The following RBFOX3 variants were observed in gnomAD, a reference collection of about 807,000 sequenced individuals.
RBFOX3 encodes RNA binding fox-1 homolog 3, also known as RNA binding protein fox-1 homolog 3.
In RBFOX3, 17 loss-of-function variants were observed where a neutral mutation model predicts 48.7. That is an observed-to-expected ratio of 0.35 (90% confidence interval 0.24 to 0.52). The LOEUF (loss-of-function observed/expected upper bound fraction) is 0.52. Ranked by LOEUF, RBFOX3 falls within the 20% of genes least tolerant of loss-of-function variation. The pLI is 0.94. For missense variants in RBFOX3, 382 were observed against 497.5 expected (o/e 0.77, Z 2.21); for synonymous variants, 212 against 209.5 (o/e 1.01, Z -0.10).
intron 1 of RBFOX3, among the ~76,000 whole-genome samples, chr17:79,497,503 G>A (rs2081720958): frequency 6.6e-6 from 1 of 152,208 alleles, no homozygotes; most frequent in African/African-American, 2.4e-5. Context: ...CGTAGTACTA[G>A]GAGACCTGCC....
rs576021569 is a variant in RBFOX3, at chr17:79,313,964, C to A, written c.-174-6140G>T. On this transcript the variant is annotated intron_variant, in intron 2 of 14. Coordinates refer to ENST00000693108, the MANE Select transcript of RBFOX3 (RefSeq NM_001350451.2). ...CTCACTTGCATGTCCGGCTCTTGCCCGCAACTGCTGGGAGGGTCCTGCAAA... is the reference window on the plus strand; with the variant it reads ...CTCACTTGCATGTCCGGCTCTTGCCAGCAACTGCTGGGAGGGTCCTGCAAA... 9.9e-5 allele frequency among the ~76,000 whole-genome samples: 15 copies of A among 152,176 alleles called. 1 individual carries two copies. Among genetic ancestry groups the A allele is most frequent in the Non-Finnish European group, 2.9e-5 (2 of 68,040 alleles).
At chr17:79,467,833 G>A (rs1262831305) in intron 2 of RBFOX3, among the ~76,000 whole-genome samples, 1 of 151,966 alleles carries the variant, frequency 6.6e-6, no homozygotes, top group Non-Finnish European at 1.5e-5. Flanking sequence ...AAGGGACCTT[G>A]AGCAAGGCCT....
intron 4 of RBFOX3, among the ~76,000 whole-genome samples, chr17:79,144,733 C>G (rs1281002277): frequency 6.6e-6 from 1 of 152,228 alleles, no homozygotes; most frequent in Non-Finnish European, 1.5e-5. Context: ...TTTCTGTTTC[C>G]TAGTCCTAAA....
At chr17:79,533,093 A>G (rs2088091451) in intron 1 of RBFOX3, among the ~76,000 whole-genome samples, 2 of 152,382 alleles carry the variant, frequency 1.3e-5, no homozygotes, top group South Asian at 4.1e-4. Context: ...ATCCCTGTGA[A>G]AGAGGCGTTG....
At chr17:79,624,109 T>C in the RBFOX3 span, among the ~76,000 whole-genome samples, 23 of 152,206 alleles carry the variant, frequency 1.5e-4, no homozygotes, top group Non-Finnish European at 1.5e-5. Context: ...AACGGCAAGA[T>C]AATGAACTTC....
chr17:79,097,234 TCCCTCCTCCCCGCCGTCCTACC>T, intron 11 of RBFOX3, 36 bp downstream of exon 11: 4 of 1,424,504 alleles, frequency 2.8e-6, no homozygotes, highest in South Asian at 2.7e-5. Context: ...CCTCCCCATT[TCCCTCCTCCCCGCCGTCCTACC>T]CCCTCCTCCA....
intron 2 of RBFOX3, among the ~76,000 whole-genome samples, chr17:79,344,191 A>G (rs997725756): frequency 5.9e-5 from 9 of 152,220 alleles, no homozygotes; most frequent in Admixed American, 2.6e-4. Context: ...CCTGAGGCCA[A>G]CATCTTTTCC....
chr17:79,206,471 T>C (rs1050462584), intron 4 of RBFOX3, among the ~76,000 whole-genome samples: 1 of 152,160 alleles, frequency 6.6e-6, no homozygotes, highest in African/African-American at 2.4e-5. Flanking sequence ...CTCCTCAAGA[T>C]GGTTGAGGCT....
chr17:79,617,406 C>G, the RBFOX3 span, among the ~76,000 whole-genome samples: 2 of 151,466 alleles, frequency 1.3e-5, no homozygotes, highest in Admixed American at 1.3e-4. Context: ...ATCCCTACCT[C>G]CACGTCCACA....
intron 2 of RBFOX3, among the ~76,000 whole-genome samples, chr17:79,465,836 A>G (rs1195435529): frequency 6.6e-6 from 1 of 152,182 alleles, no homozygotes; most frequent in Non-Finnish European, 1.5e-5. Flanking sequence ...TGGGCAGTGC[A>G]GGCCGCCTGG....
rs574660009 is a variant in RBFOX3 at position 79,103,405 on chromosome 17, G to A, written c.415-151C>T. ...GAGTCAGGTGAGTTGAGGCAGAGAC[G>A]CAGGCAGCCCAGAGGTCTGTCCTAG... On this transcript the variant is annotated intron_variant, in intron 7 of 14. Coordinates refer to ENST00000693108, the MANE Select transcript of RBFOX3 (RefSeq NM_001350451.2). The surrounding 1 kb of genome is among the most constrained non-coding windows in gnomAD (Gnocchi z 6.1). 5.3e-5 allele frequency among the ~76,000 whole-genome samples: 8 copies of A among 152,210 alleles called. No individual in the cohort carries two copies. Among genetic ancestry groups the A allele is most frequent in the Admixed American group, 3.9e-4 (6 of 15,296 alleles).
chr17:79,593,154 A>G (rs2093471190), intron 1 of RBFOX3, among the ~76,000 whole-genome samples: 1 of 152,100 alleles, frequency 6.6e-6, no homozygotes, highest in Non-Finnish European at 1.5e-5. Context: ...ATGTGTGTCC[A>G]CAGCCCACTC....
Position 79,111,140 on chromosome 17 carries a change from A to G in RBFOX3, c.223-4352T>C, listed in dbSNP as rs1199254975. Among the ~76,000 whole-genome samples the G allele has an allele frequency of 1.3e-5, 2 of 152,242 alleles. No individual in the cohort carries two copies. The highest frequency in any genetic ancestry group is 2.9e-5 in the Non-Finnish European group (2 of 68,036). ...AGGCCCGACGGACAGCAGAAAGGAC[A>G]GAGGTTCATCCTGGGGCTGCAGGTC... On this transcript the variant is annotated intron_variant, in intron 5 of 14. Transcript: ENST00000693108. The surrounding 1 kb of genome is among the most constrained non-coding windows in gnomAD (Gnocchi z 4.2).
At chr17:79,618,835 G>A in the RBFOX3 span, among the ~76,000 whole-genome samples, 1 of 152,140 alleles carries the variant, frequency 6.6e-6, no homozygotes, top group African/African-American at 2.4e-5. Context: ...TCAGCAAGAG[G>A]CAAATGAAAA....
intron 3 of RBFOX3, among the ~76,000 whole-genome samples, chr17:79,293,601 C>T (rs1220993344): frequency 1.3e-5 from 2 of 151,938 alleles, no homozygotes; most frequent in South Asian, 2.1e-4. Context: ...TACAGACTTG[C>T]ACCACCATGC....
chr17:79,139,215 C>T (rs1032303063), intron 4 of RBFOX3, among the ~76,000 whole-genome samples: 5 of 152,152 alleles, frequency 3.3e-5, no homozygotes, highest in Non-Finnish European at 7.3e-5. Flanking sequence ...TCACCTAAGG[C>T]ACCCTCCCCA....
At chr17:79,577,326 G>A (rs1456689998) in intron 1 of RBFOX3, among the ~76,000 whole-genome samples, 4 of 152,154 alleles carry the variant, frequency 2.6e-5, no homozygotes, top group Admixed American at 1.3e-4. Flanking sequence ...CACCATGAAC[G>A]GGGCAAATGG....
At chr17:79,560,272 G>A (rs998778241) in intron 1 of RBFOX3, among the ~76,000 whole-genome samples, 7 of 152,118 alleles carry the variant, frequency 4.6e-5, no homozygotes, top group South Asian at 2.1e-4. Flanking sequence ...AGGGAGACCC[G>A]AAAAGCCTAA....
intron 3 of RBFOX3, among the ~76,000 whole-genome samples, chr17:79,255,505 C>A (rs540766896): frequency 5.1e-4 from 77 of 152,266 alleles, no homozygotes; most frequent in African/African-American, 1.8e-3. Context: ...AGGAACAAGG[C>A]TGTGTCCACC....
Sources: allele counts gnomAD v4.1 joint callset (sites outside exome capture counted in the v4.1 genomes callset), GRCh38; gene constraint gnomAD v4.1.1; non-coding constraint Gnocchi (gnomAD v3.1); transcripts MANE v1.5; gene names NCBI Gene and HGNC (gene_info 2026-07-23, HGNC 2026-07-21).